The following CEMIP variants were observed in gnomAD, a reference collection of about 807,000 sequenced individuals.
CEMIP encodes the protein cell migration-inducing and hyaluronan-binding protein.
In CEMIP, 105 loss-of-function variants were observed where a neutral mutation model predicts 156.9. The observed-to-expected ratio is 0.67, with a 90% CI of 0.57 to 0.79. The LOEUF is 0.79. Among genes scored for constraint, CEMIP ranks in the 30% least tolerant of loss-of-function variants. The pLI is 0.00. For missense variants in CEMIP, 1,457 were observed against 1,769.4 expected, an observed-to-expected ratio of 0.82 and a Z score of 3.17; for synonymous variants, 676 against 668.4, an observed-to-expected ratio of 1.01 and a Z score of -0.17.
chr15:80,904,498 G>A (rs1236052758), intron 12 of CEMIP, among the ~76,000 whole-genome samples: 2 of 152,166 alleles, frequency 1.3e-5, no homozygotes, highest in African/African-American at 2.4e-5. Flanking sequence ...TGACAAAAGG[G>A]ACTTTGCAGA....
intron 1 of CEMIP, among the ~76,000 whole-genome samples, chr15:80,781,902 C>T (rs1376949749): frequency 2.0e-5 from 3 of 152,164 alleles, no homozygotes; most frequent in African/African-American, 7.2e-5. Context: ...GAATTATGTT[C>T]ACCATCCCTT....
At chr15:80,866,590 T>TAAAA (rs1182160670) in intron 1 of CEMIP, among the ~76,000 whole-genome samples, 2 of 88,500 alleles carry the variant, frequency 2.3e-5, no homozygotes, top group African/African-American at 9.4e-5. Context: ...GACTCTGTCT[T>TAAAA]AAAAATAAAT....
At chr15:80,830,799 G>C (rs1390552047) in intron 1 of CEMIP, among the ~76,000 whole-genome samples, 1 of 152,016 alleles carries the variant, frequency 6.6e-6, no homozygotes, top group African/African-American at 2.4e-5. Flanking sequence ...GGATGCAGAT[G>C]ACCTGGTTCA....
chr15:80,837,067 T>C (rs12899741), intron 1 of CEMIP, among the ~76,000 whole-genome samples: 1 of 152,102 alleles, frequency 6.6e-6, no homozygotes, highest in Non-Finnish European at 1.5e-5. Context: ...CTATTCTATC[T>C]GCAATCATCT....
intron 12 of CEMIP, among the ~76,000 whole-genome samples, chr15:80,896,641 G>A (rs1899235550): frequency 6.6e-6 from 1 of 152,042 alleles, no homozygotes; most frequent in South Asian, 2.1e-4. Context: ...TATGTTATTG[G>A]AGGTTACTGG....
chr15:80,880,799 G>A (rs894264472), intron 5 of CEMIP, 101 bp from the exon 6 acceptor site: 3 of 915,134 alleles, frequency 3.3e-6, no homozygotes, highest in Non-Finnish European at 3.6e-6. Context: ...GGCCGTGGTG[G>A]GGGGTCAGGG....
intron 28 of CEMIP, among the ~76,000 whole-genome samples, chr15:80,943,822 T>C (rs1309783485): frequency 6.6e-6 from 1 of 152,182 alleles, no homozygotes; most frequent in Non-Finnish European, 1.5e-5. Flanking sequence ...CCTCTTCCAG[T>C]TGCCCCAACT....
intron 1 of CEMIP, among the ~76,000 whole-genome samples, chr15:80,830,781 G>A (rs1897140387): frequency 6.6e-6 from 1 of 152,212 alleles, no homozygotes; most frequent in East Asian, 1.9e-4. Flanking sequence ...TAGATAGCAA[G>A]GTGTGGAGGA....
chr15:80,929,143 G>T lies in CEMIP; in HGVS notation c.2581G>T (p.Asp861Tyr), dbSNP rs749170084. Residue 861 changes from aspartate to tyrosine, a missense_variant, in exon 21 of 30, where the codon GAC becomes TAC. By Grantham distance (160) the Asp-to-Tyr change is radical. This residue lies in a region of CEMIP where 798 missense variants were observed against 980.1 expected (regional missense o/e 0.81). Coordinates refer to ENST00000394685, the MANE Select transcript of CEMIP (RefSeq NM_001293298.2). ...TAGGATCTGGGGCCCTGGCGGCTTG[G>T]ACCATAGCGGAAGGACCCTCCCTAT... ...DNRIWGPGGL[D>Y]HSGRTLPIGQ... The T allele has an allele frequency of 3.7e-6, 6 of 1,614,086 alleles. No individual in the cohort carries two copies. Among genetic ancestry groups the T allele is most frequent in the Admixed American group, 1.7e-5 (1 of 60,008 alleles).
rs748502287 is a variant in CEMIP at position 80,933,332 on chromosome 15, G to A, written c.2881G>A (p.Val961Ile). 1.9e-6 allele frequency: 3 copies of A among 1,614,180 alleles called. No homozygotes were observed. Among genetic ancestry groups the A allele is most frequent in the Non-Finnish European group, 2.5e-6 (3 of 1,180,038 alleles). ...DGDKTSVFHDVDGSVSEYPGS... is the reference protein window; with the variant it reads ...DGDKTSVFHDIDGSVSEYPGS... ...GGATAAGACATCTGTGTTCCATGACGTCGACGGCTCCGTGTCCGAGTACCC... is the reference window on the plus strand; with the variant it reads ...GGATAAGACATCTGTGTTCCATGACATCGACGGCTCCGTGTCCGAGTACCC... The change falls in exon 23 of 30, where the codon GTC becomes ATC. Residue 961 changes from valine to isoleucine, a missense_variant. By Grantham distance (29) the Val-to-Ile change is conservative. Coordinates refer to ENST00000394685, the MANE Select transcript of CEMIP (RefSeq NM_001293298.2).
rs559586955 is a variant in CEMIP at position 80,945,227 on chromosome 15, T to TG, written c.3858-1736dup. On this transcript the variant is annotated intron_variant, in intron 28 of 29. Coordinates refer to ENST00000394685, the MANE Select transcript of CEMIP (RefSeq NM_001293298.2). ...GGCATGGGCTTATAGGCCATGAGGA[T>TG]GGCACACCAGGCAAAGAAGTGTTCC... 5.0e-4 allele frequency among the ~76,000 whole-genome samples: 76 copies of TG among 152,250 alleles called. 1 individual carries two copies. In the South Asian group the frequency reaches 0.015, roughly 30 times the overall value.
chr15:80,832,320 C>CTATGTGTGTGTGTGTGTG (rs1266715174), intron 1 of CEMIP, among the ~76,000 whole-genome samples: 1 of 18,122 alleles, frequency 5.5e-5, no homozygotes, highest in African/African-American at 2.6e-4. Flanking sequence ...TTAAAATAAA[C>CTATGTGTGTGTGTGTGTG]TCTGTGTGTG....
chr15:80,856,936 C>T (rs907903049), intron 1 of CEMIP, among the ~76,000 whole-genome samples: 1 of 152,154 alleles, frequency 6.6e-6, no homozygotes, highest in Non-Finnish European at 1.5e-5. Flanking sequence ...GCACCCAGGG[C>T]AGTAAAACAG....
chr15:80,925,467 G>T lies in CEMIP; in HGVS notation c.2289-157G>T, dbSNP rs372805015. On this transcript the variant is annotated intron_variant, in intron 18 of 29. Transcript: ENST00000394685. ...CTTGCTTCTGTGATGAACTCAGAAA[G>T]TTCATTCAAGAGCCCAGGCAATGCG... Among the ~76,000 whole-genome samples, 161 of 152,316 alleles carry T rather than the reference G, an allele frequency of 1.1e-3. 6 individuals carry two copies. In the South Asian group the frequency reaches 0.031, roughly 29 times the overall value.
chr15:80,856,774 A>C (rs958854146), intron 1 of CEMIP, among the ~76,000 whole-genome samples: 1 of 152,152 alleles, frequency 6.6e-6, no homozygotes, highest in Admixed American at 6.5e-5. Flanking sequence ...ACTAGAACCT[A>C]GGACTCCCTG....
At chr15:80,894,685 G>T (rs1180198173) in intron 10 of CEMIP, among the ~76,000 whole-genome samples, 1 of 152,200 alleles carries the variant, frequency 6.6e-6, no homozygotes, top group Non-Finnish European at 1.5e-5. Context: ...TCCTAGAAGA[G>T]TGGCTACTTA....
intron 1 of CEMIP, among the ~76,000 whole-genome samples, chr15:80,831,846 T>C (rs573173307): frequency 4.1e-4 from 62 of 152,338 alleles, no homozygotes; most frequent in Middle Eastern, 3.4e-3. Context: ...TGCTGGCCAC[T>C]GGGCTCATTC....
chr15:80,921,714 G>A (rs1413229289), intron 16 of CEMIP, among the ~76,000 whole-genome samples: 1 of 152,250 alleles, frequency 6.6e-6, no homozygotes, highest in African/African-American at 2.4e-5. Flanking sequence ...TCCCCCCATT[G>A]TGTGTCAGGA....
chr15:80,849,895 G>A (rs891111882), intron 1 of CEMIP, among the ~76,000 whole-genome samples: 3 of 152,218 alleles, frequency 2.0e-5, no homozygotes, highest in East Asian at 1.9e-4. Flanking sequence ...GGCCCACTGC[G>A]CCTGATACAT....
Sources: gnomAD v4.1 joint callset for allele counts (sites outside exome capture counted in the v4.1 genomes callset) on GRCh38, gnomAD v4.1.1 for gene constraint, gnomAD v4.1.1 regional missense constraint, MANE v1.5 for transcripts, NCBI Gene and HGNC (gene_info 2026-07-23, HGNC 2026-07-21) for gene names.